Variants in COL9A2 observed in about 807,000 individuals in gnomAD.
COL9A2 encodes collagen alpha-2(IX) chain.
In COL9A2, 66 loss-of-function variants were observed where a neutral mutation model predicts 111.6. That is an observed-to-expected ratio of 0.59 (90% confidence interval 0.48 to 0.73). The LOEUF (loss-of-function observed/expected upper bound fraction) is 0.73, where lower values mean the gene tolerates loss of function less well. Among genes scored for constraint, COL9A2 ranks in the 30% least tolerant of loss-of-function variants. The pLI, the probability that COL9A2 is intolerant of heterozygous loss-of-function variation, is 0.00. For missense variants in COL9A2, 881 were observed against 954.1 expected (o/e 0.92, Z 1.01); for synonymous variants, 353 against 364.1 (o/e 0.97, Z 0.35).
chr1:40,308,049 A>G (rs2124073826), intron 17 of COL9A2, 143 bp downstream of exon 17: 2 of 819,688 alleles, frequency 2.4e-6, no homozygotes, highest in East Asian at 5.3e-5. Flanking sequence ...GAGGCACAGA[A>G]AGGGAGGCAT....
chr1:40,309,851 T>G, intron 16 of COL9A2, 87 bp downstream of exon 16: 1 of 1,326,610 alleles, frequency 7.5e-7, no homozygotes, highest in South Asian at 1.2e-5. Flanking sequence ...ACTCATGCAC[T>G]CTCACACACA....
In COL9A2 at chr1:40,303,235, C is replaced by T. The variant is rs757702675; in HGVS notation, c.1549-50G>A. 26 of 1,558,782 alleles carry T rather than the reference C, an allele frequency of 1.7e-5. No individual in the cohort carries two copies. Among genetic ancestry groups the T allele is most frequent in the East Asian group, 2.3e-5 (1 of 43,404 alleles). On this transcript the variant is annotated intron_variant, in intron 28 of 31. Transcript: ENST00000372748. This position sits in a 1 kb window ranked among gnomAD's most constrained non-coding sequence, Gnocchi z 4.6. ...GAAGCCCCTGGCTACAAGGGCCCAC[C>T]GCTCCTATCCCACCTGGCTGAGCGT...
At chr1:40,301,975 A>C (rs1569695693) in intron 30 of COL9A2, 86 bp from the exon 31 acceptor site, 13 of 1,358,534 alleles carry the variant, frequency 9.6e-6, no homozygotes, top group Admixed American at 5.9e-5. Context: ...CAAAGAAATT[A>C]TTCCTGTTTT....
chr1:40,304,372 C>G lies in COL9A2; in HGVS notation c.1235G>C (p.Gly412Ala), dbSNP rs1011496660. The G allele has an allele frequency of 8.8e-6, 14 of 1,588,836 alleles. No individual in the cohort carries two copies. The highest frequency in any genetic ancestry group is 1.3e-5 in the African/African-American group (1 of 74,602). ...TTGGGGCCCTGGAATTCCGGGGGGGCCCTGCTCCCCCTTAGGGCCCTGAGG... is the reference window on the plus strand; with the variant it reads ...TTGGGGCCCTGGAATTCCGGGGGGGGCCTGCTCCCCCTTAGGGCCCTGAGG... ...QGRQGPKGEQGPPGIPGPQGL... is the reference protein window; with the variant it reads ...QGRQGPKGEQAPPGIPGPQGL... The change falls in exon 24 of 32, where the codon GGC becomes GCC. Residue 412 changes from glycine (G) to alanine (A), a missense_variant. Gly to Ala is a moderately conservative substitution (Grantham distance 60). Transcript: ENST00000372748.
chr1:40,313,253 C>T (rs919415013), intron 4 of COL9A2, among the ~76,000 whole-genome samples: 1 of 152,076 alleles, frequency 6.6e-6, no homozygotes, highest in African/African-American at 2.4e-5. Context: ...ACTGCAACCC[C>T]CGCTTCCTGG....
chr1:40,307,809 C>T lies in COL9A2; in HGVS notation c.901-53G>A. ...GTGATAATGCGGAGATGTCTGGGGT[C>T]TGGCCACCCACCCCTGTTCCTCTGA... is the stretch of plus-strand genomic sequence containing the variant. On this transcript the variant is annotated intron_variant, in intron 17 of 31. Transcript: ENST00000372748. The surrounding 1 kb of genome is among the most constrained non-coding windows in gnomAD (Gnocchi z 4.8). The T allele has an allele frequency of 6.3e-7, 1 of 1,583,456 alleles. No homozygotes were observed. The highest frequency in any genetic ancestry group is 1.3e-5 in the African/African-American group (1 of 74,412).
At position 40,303,224 on chromosome 1, in the gene COL9A2, C is replaced by T; in HGVS notation, c.1549-39G>A. The T allele has an allele frequency of 6.3e-7, 1 of 1,588,400 alleles. No homozygotes were observed. ...CCTTTCAGGAAGAAGCCCCTGGCTACAAGGGCCCACCGCTCCTATCCCACC... is the reference window on the plus strand; with the variant it reads ...CCTTTCAGGAAGAAGCCCCTGGCTATAAGGGCCCACCGCTCCTATCCCACC... On this transcript the variant is annotated intron_variant, in intron 28 of 31. Transcript: ENST00000372748. This position sits in a 1 kb window ranked among gnomAD's most constrained non-coding sequence, Gnocchi z 4.6.
chr1:40,315,925 C>T (rs1644211626), intron 1 of COL9A2: 1 of 409,422 alleles, frequency 2.4e-6, no homozygotes, highest in African/African-American at 2.1e-5. Flanking sequence ...CGTGAAGGGT[C>T]CATGGTCACT....
Position 40,302,567 on chromosome 1 carries a change from C to A in COL9A2, c.1792+54G>T, listed in dbSNP as rs1237602353. On this transcript the variant is annotated intron_variant, in intron 30 of 31. Transcript: ENST00000372748. The surrounding 1 kb of genome is among the most constrained non-coding windows in gnomAD (Gnocchi z 4.5). ...GAGAAGGGAATGGGGAAAGGGCCGGCCTGGACAAATCCTCACTGCCTGGCC... is the reference window on the plus strand; with the variant it reads ...GAGAAGGGAATGGGGAAAGGGCCGGACTGGACAAATCCTCACTGCCTGGCC... The A allele has an allele frequency of 1.8e-5, 28 of 1,545,906 alleles. No individual in the cohort carries two copies. The East Asian group carries it at 6.8e-4, about 37-fold the overall frequency.
intron 21 of COL9A2, among the ~76,000 whole-genome samples, 181 bp downstream of exon 21, chr1:40,305,534 G>A (rs1030749332): frequency 6.6e-6 from 1 of 152,182 alleles, no homozygotes; most frequent in Non-Finnish European, 1.5e-5. Context: ...CCAGAACAGA[G>A]CCAGTCCCCA....
chr1:40,315,526 C>T (rs759187747), intron 2 of COL9A2, 64 bp downstream of exon 2: 17 of 1,514,224 alleles, frequency 1.1e-5, no homozygotes, highest in Middle Eastern at 1.7e-4. Context: ...CCCACCACAG[C>T]GCTCACAAAG....
rs1557808454 is a variant in COL9A2, at chr1:40,317,003, CCTCAGGTGGCCTCT to C, written c.75+106_75+119del. 6.0e-6 allele frequency: 6 copies of C among 997,794 alleles called. No homozygotes were observed. Among genetic ancestry groups the C allele is most frequent in the East Asian group, 5.2e-5 (2 of 38,436 alleles). The allele number at this position is 997,794 out of a possible 1,614,324, so 61.8% of individuals were successfully genotyped here. A position where few individuals can be genotyped will look rare whatever the true frequency, so the allele number is the denominator to read the frequency against. ...CGAGGGGACCTGCCCGCGGCGCTGT[CCTCAGGTGGCCTCT>C]CGGGCTAGGGGTGTCAGTAGGCGCG... On this transcript the variant is annotated intron_variant, in intron 1 of 31. Coordinates refer to ENST00000372748, the MANE Select transcript of COL9A2 (RefSeq NM_001852.4). This position sits in a 1 kb window ranked among gnomAD's most constrained non-coding sequence, Gnocchi z 4.3.
In COL9A2 at chr1:40,314,119, A is replaced by T; in HGVS notation, c.249+86T>A. ...ATCTCCATCCTGCTGCCCATCTCTG[A>T]ACAGATCAGTGAAGATGCCAGAGCC... is the stretch of plus-strand genomic sequence containing the variant. On this transcript the variant is annotated intron_variant, in intron 4 of 31. Coordinates refer to ENST00000372748, the MANE Select transcript of COL9A2 (RefSeq NM_001852.4). The surrounding 1 kb of genome is among the most constrained non-coding windows in gnomAD (Gnocchi z 4.1). 1.4e-6 allele frequency: 2 copies of T among 1,401,140 alleles called. No homozygotes were observed. The highest frequency in any genetic ancestry group is 2.0e-6 in the Non-Finnish European group (2 of 987,446). 86.8% of individuals were successfully genotyped at this position (1,401,140 alleles called of 1,614,324 possible).
chr1:40,304,595 C>G, intron 22 of COL9A2, 66 bp from the exon 23 acceptor site: 3 of 1,582,080 alleles, frequency 1.9e-6, no homozygotes, highest in Non-Finnish European at 2.6e-6. Flanking sequence ...CGCACCGAGG[C>G]CTGGCACCGC....
rs187442430 is a variant in COL9A2 at position 40,301,728 on chromosome 1, G to T, written c.1870+84C>A. ...GACTGAGCTGGCTGAGCGTGAGGCCGCCATGGAGGAGACCGCAGTGTCCAC... is the reference window on the plus strand; with the variant it reads ...GACTGAGCTGGCTGAGCGTGAGGCCTCCATGGAGGAGACCGCAGTGTCCAC... On this transcript the variant is annotated intron_variant, in intron 31 of 31. Transcript: ENST00000372748. 2.6e-4 allele frequency: 348 copies of T among 1,318,690 alleles called. 1 individual carries two copies. In the East Asian group the frequency reaches 3.9e-3, roughly 15 times the overall value. The allele number at this position is 1,318,690 out of a possible 1,614,324, so 81.7% of individuals were successfully genotyped here. A position where few individuals can be genotyped will look rare whatever the true frequency, so the allele number is the denominator to read the frequency against.
chr1:40,311,689 C>G lies in COL9A2; in HGVS notation c.444G>C (p.Ser148=). Residue 148 remains serine, a synonymous_variant, in exon 9 of 32, where the codon TCG becomes TCC. Coordinates refer to ENST00000372748, the MANE Select transcript of COL9A2 (RefSeq NM_001852.4). The surrounding 1 kb of genome is among the most constrained non-coding windows in gnomAD (Gnocchi z 5.1). ...GTTTCCCAGGGGGTCCTGGGGGCCC[C>G]GATGGTCCATCTGGTCCAGGGTCCC... ...PKGDPGPDGP[S]GPPGPPGKPG... 1 of 1,614,026 alleles carries G rather than the reference C, an allele frequency of 6.2e-7. No individual in the cohort carries two copies. Among genetic ancestry groups the G allele is most frequent in the Non-Finnish European group, 8.5e-7 (1 of 1,179,982 alleles).
chr1:40,311,593 C>T lies in COL9A2; in HGVS notation c.472-46G>A, dbSNP rs374687517. The stretch of plus-strand genomic sequence containing the variant: ...GGAGCTTGGCCTGACCCTTTCCCGC[C>T]GCAGGCTTGCTCAAAGACCCTTCTC... On this transcript the variant is annotated intron_variant, in intron 9 of 31. Transcript: ENST00000372748. This position sits in a 1 kb window ranked among gnomAD's most constrained non-coding sequence, Gnocchi z 5.1. 2.5e-5 allele frequency: 40 copies of T among 1,613,874 alleles called. 2 individuals carry two copies. The African/African-American group carries it at 2.8e-4, about 11-fold the overall frequency.
At position 40,303,725 on chromosome 1, in the gene COL9A2, G is replaced by T; in HGVS notation, c.1402-49C>A. The stretch of plus-strand genomic sequence containing the variant: ...CAGAGCCGGGTGAGAAGGCGCCCGG[G>T]TGGGCGAGAGTGGGGGGTGGGGGTC... On this transcript the variant is annotated intron_variant, in intron 27 of 31. Transcript: ENST00000372748. This position sits in a 1 kb window ranked among gnomAD's most constrained non-coding sequence, Gnocchi z 4.6. The T allele has an allele frequency of 1.3e-6, 2 of 1,543,030 alleles. No homozygotes were observed. The highest frequency in any genetic ancestry group is 1.8e-6 in the Non-Finnish European group (2 of 1,142,210).
chr1:40,301,582 C>T (rs1363794954), intron 31 of COL9A2, among the ~76,000 whole-genome samples: 1 of 152,228 alleles, frequency 6.6e-6, no homozygotes, highest in Non-Finnish European at 1.5e-5. Flanking sequence ...ACATCCCTTC[C>T]ATCACCTCTG....
Sources: allele counts gnomAD v4.1 joint callset (sites outside exome capture counted in the v4.1 genomes callset), GRCh38; gene constraint gnomAD v4.1.1; non-coding constraint Gnocchi (gnomAD v3.1); transcripts MANE v1.5; gene names NCBI Gene and HGNC (gene_info 2026-07-23, HGNC 2026-07-21).